RIMS1: variants seen among roughly 807,000 people sequenced by gnomAD.
The protein encoded by RIMS1 is regulating synaptic membrane exocytosis protein 1.
A neutral mutation model predicts 214.1 loss-of-function variants in RIMS1; 83 were observed. That is an observed-to-expected ratio of 0.39 (90% CI 0.32 to 0.47). The LOEUF (loss-of-function observed/expected upper bound fraction) is 0.47. Ranked by LOEUF, RIMS1 falls within the 20% of genes least tolerant of loss-of-function variation. The probability of loss-of-function intolerance (pLI) is 0.99; values close to 1 mark genes in which losing one functional copy is unlikely to be tolerated. For synonymous variants in RIMS1, 793 were observed against 786.8 expected, an observed-to-expected ratio of 1.01 and a Z score of -0.13; for missense variants, 2,050 against 2,161.8, an observed-to-expected ratio of 0.95 and a Z score of 1.03.
intron 6 of RIMS1, among the ~76,000 whole-genome samples, chr6:72,186,416 AGCCAAAAAGCCTGGT>A (rs1327986215): frequency 6.6e-6 from 1 of 152,266 alleles, no homozygotes; most frequent in Non-Finnish European, 1.5e-5. Context: ...CTGAAGAACT[AGCCAAAAAGCCTGGT>A]GCTCGAGAAT....
intron 4 of RIMS1, 147 bp from the exon 5 acceptor site, chr6:72,179,428 T>G: frequency 1.3e-6 from 1 of 748,046 alleles, no homozygotes; most frequent in Non-Finnish European, 2.3e-6. Flanking sequence ...TGACTGTGAC[T>G]TGTGGGAGGA....
In RIMS1 at chr6:72,179,716, C is replaced by T. The variant is rs752972189; in HGVS notation, c.613C>T (p.Pro205Ser). ...DTATGAGSEVPREKKARLQER... is the reference protein window; with the variant it reads ...DTATGAGSEVSREKKARLQER... ...AGCTACAGGTGCTGGCTCTGAGGTA[C>T]CAAGAGAAAAGAAAGCACGACTCCA... Residue 205 changes from proline (P) to serine (S), a missense_variant, in exon 5 of 34, where the codon CCA becomes TCA. Transcript: ENST00000521978. 6.2e-7 allele frequency: 1 copy of T among 1,613,792 alleles called. No homozygotes were observed. The highest frequency in any genetic ancestry group is 8.5e-7 in the Non-Finnish European group (1 of 1,179,864).
intron 1 of RIMS1, among the ~76,000 whole-genome samples, chr6:71,899,387 A>C (rs1772866305): frequency 6.6e-6 from 1 of 151,962 alleles, no homozygotes; most frequent in Admixed American, 6.6e-5. Context: ...GTTTGACTTC[A>C]ATTACTGTGG....
chr6:71,915,406 C>T (rs928824247), intron 1 of RIMS1, among the ~76,000 whole-genome samples: 2 of 152,172 alleles, frequency 1.3e-5, no homozygotes, highest in African/African-American at 4.8e-5. Flanking sequence ...AAAAGGCCAG[C>T]ATCATGGAAT....
intron 4 of RIMS1, chr6:72,179,374 G>A: frequency 1.6e-6 from 1 of 614,276 alleles, no homozygotes; most frequent in South Asian, 1.8e-5. Flanking sequence ...CTGCTGAGAG[G>A]CTCTCTAGTC....
intron 2 of RIMS1, among the ~76,000 whole-genome samples, chr6:72,049,142 T>C (rs1169327542): frequency 6.6e-6 from 1 of 152,036 alleles, no homozygotes; most frequent in Non-Finnish European, 1.5e-5. Context: ...GTTCAGGGGA[T>C]CCAGAATCAA....
chr6:72,237,901 G>A lies in RIMS1; in HGVS notation c.1936G>A (p.Val646Ile). Residue 646 changes from valine to isoleucine, a missense_variant, in exon 9 of 34, where the codon GTA becomes ATA. Val to Ile is a conservative substitution (Grantham distance 29). Transcript: ENST00000521978. Reference sequence around the variant, plus strand: ...AGTAAAGAAGGGTAGCCTAGCAGATGTAGTTGGACACCTAAGAGCAGGTAA... The same window carrying A: ...AGTAAAGAAGGGTAGCCTAGCAGATATAGTTGGACACCTAAGAGCAGGTAA... The part of the protein sequence containing the change: ...TKVKKGSLAD[V>I]VGHLRAGDEV... 6.2e-7 allele frequency: 1 copy of A among 1,612,738 alleles called. No individual in the cohort carries two copies. The highest frequency in any genetic ancestry group is 8.5e-7 in the Non-Finnish European group (1 of 1,179,106).
At chr6:72,259,650 A>G (rs1410195192) in intron 18 of RIMS1, among the ~76,000 whole-genome samples, 1 of 152,112 alleles carries the variant, frequency 6.6e-6, no homozygotes, top group African/African-American at 2.4e-5. Flanking sequence ...TTATGGGGAT[A>G]TGTGCTTAGA....
At chr6:72,025,310 G>A (rs904740408) in intron 2 of RIMS1, among the ~76,000 whole-genome samples, 2 of 152,116 alleles carry the variant, frequency 1.3e-5, no homozygotes, top group Non-Finnish European at 2.9e-5. Flanking sequence ...TCTTTGTGAT[G>A]GTAAGTAGGG....
chr6:72,153,705 T>A (rs1022989289), intron 4 of RIMS1, among the ~76,000 whole-genome samples: 1 of 152,188 alleles, frequency 6.6e-6, no homozygotes, highest in Admixed American at 6.5e-5. Context: ...AGAGGAACTT[T>A]AGAAAACATT....
intron 29 of RIMS1, among the ~76,000 whole-genome samples, chr6:72,375,006 T>C (rs529562547): frequency 6.6e-6 from 1 of 152,308 alleles, no homozygotes; most frequent in East Asian, 1.9e-4. Flanking sequence ...GCCTCTGAGC[T>C]GTCAGGAGGC....
In RIMS1 at chr6:72,284,138, G is replaced by A. The variant is rs1457774150; in HGVS notation, c.3554+20G>A. 1.2e-6 allele frequency: 2 copies of A among 1,603,040 alleles called. No homozygotes were observed. The highest frequency in any genetic ancestry group is 4.5e-5 in the East Asian group (2 of 44,782). Reference sequence around the variant, plus strand: ...AGAAAGGTAGGCTTGGTGTTGTGGTGTGCTGACATCTTCCATTTTAGGAAT... The same window carrying A: ...AGAAAGGTAGGCTTGGTGTTGTGGTATGCTGACATCTTCCATTTTAGGAAT... On this transcript the variant is annotated intron_variant, in intron 24 of 33. Coordinates refer to ENST00000521978, the MANE Select transcript of RIMS1 (RefSeq NM_014989.7).
At chr6:71,940,884 GC>G (rs1330807704) in intron 1 of RIMS1, among the ~76,000 whole-genome samples, 9 of 152,116 alleles carry the variant, frequency 5.9e-5, no homozygotes, top group African/African-American at 1.9e-4. Flanking sequence ...TGTGAAACTG[GC>G]AAGAGGCTCA....
At chr6:72,176,253 A>AT (rs2047688445) in intron 4 of RIMS1, among the ~76,000 whole-genome samples, 1 of 152,112 alleles carries the variant, frequency 6.6e-6, no homozygotes, top group Non-Finnish European at 1.5e-5. Flanking sequence ...AATAAATAGC[A>AT]TTTTTTTGTA....
At chr6:72,387,745 A>G (rs376620912) in intron 29 of RIMS1, among the ~76,000 whole-genome samples, 31 of 152,198 alleles carry the variant, frequency 2.0e-4, no homozygotes, top group Non-Finnish European at 3.5e-4. Flanking sequence ...AATCACTACA[A>G]TGTTTCTAAA....
At chr6:72,251,420 A>G (rs765790237) in intron 15 of RIMS1, 52 bp downstream of exon 15, 6 of 1,288,196 alleles carry the variant, frequency 4.7e-6, no homozygotes, top group Non-Finnish European at 6.3e-6. Flanking sequence ...GTAATGATCT[A>G]ATTAGTGATT....
At chr6:71,952,072 C>T (rs1157721435) in intron 1 of RIMS1, among the ~76,000 whole-genome samples, 5 of 152,164 alleles carry the variant, frequency 3.3e-5, no homozygotes, top group Non-Finnish European at 5.9e-5. Flanking sequence ...CATGCATGGG[C>T]AGGCCTGACC....
At chr6:71,963,869 A>G (rs978482258) in intron 1 of RIMS1, among the ~76,000 whole-genome samples, 3 of 152,188 alleles carry the variant, frequency 2.0e-5, no homozygotes, top group Non-Finnish European at 2.9e-5. Context: ...TGAAATCTAT[A>G]GATTTTCATT....
At position 71,981,908 on chromosome 6, in the gene RIMS1, T is replaced by A. The variant is rs544502326; in HGVS notation, c.245+12845T>A. Among the ~76,000 whole-genome samples, 4 of 151,810 alleles carry A rather than the reference T, an allele frequency of 2.6e-5. No individual in the cohort carries two copies. In the South Asian group the frequency reaches 8.3e-4, roughly 32 times the overall value. On this transcript the variant is annotated intron_variant, in intron 2 of 33. Coordinates refer to ENST00000521978, the MANE Select transcript of RIMS1 (RefSeq NM_014989.7). ...ATTGGTGTACTATAATGCATACTAC[T>A]AAGCTATGCCATTGGAACTTGATAT... is the stretch of plus-strand genomic sequence containing the variant.
Sources: gnomAD v4.1 joint callset for allele counts (sites outside exome capture counted in the v4.1 genomes callset) on GRCh38, gnomAD v4.1.1 for gene constraint, MANE v1.5 for transcripts, NCBI Gene and HGNC (gene_info 2026-07-23, HGNC 2026-07-21) for gene names.